The following LRRTM4 variants were observed in gnomAD, a reference collection of about 807,000 sequenced individuals.
LRRTM4 encodes leucine rich repeat transmembrane neuronal 4.
In LRRTM4, 25 loss-of-function variants were observed where a neutral mutation model predicts 47.6. The ratio of observed to expected loss-of-function variants is 0.53; its 90% CI spans 0.38 to 0.73. LRRTM4 has a LOEUF of 0.73. LRRTM4 is among the 30% of genes least tolerant of loss of function. The pLI is 0.00. For missense variants in LRRTM4, 638 were observed against 713.4 expected (o/e 0.89, Z 1.20); for synonymous variants, 311 against 269.5 (o/e 1.15, Z -1.51).
intron 3 of LRRTM4, among the ~76,000 whole-genome samples, chr2:76,829,862 A>C (rs1671298812): frequency 1.3e-5 from 2 of 152,034 alleles, no homozygotes; most frequent in Admixed American, 1.3e-4. Flanking sequence ...CGTCACTTAG[A>C]CATTTTGACC....
At chr2:77,200,387 T>C (rs1186952681) in intron 3 of LRRTM4, among the ~76,000 whole-genome samples, 4 of 152,214 alleles carry the variant, frequency 2.6e-5, no homozygotes, top group East Asian at 1.9e-4. Context: ...TTTAAATACA[T>C]TTATATATGT....
chr2:76,970,934 G>A (rs1056291594), intron 3 of LRRTM4, among the ~76,000 whole-genome samples: 1 of 151,968 alleles, frequency 6.6e-6, no homozygotes. Flanking sequence ...CTTGAGTCAT[G>A]GGATCATGGT....
intron 3 of LRRTM4, among the ~76,000 whole-genome samples, chr2:77,395,310 G>T (rs1354868396): frequency 6.6e-6 from 1 of 151,896 alleles, no homozygotes; most frequent in Admixed American, 6.6e-5. Context: ...CAGTTGAAAG[G>T]CTTAGGATTT....
At chr2:77,372,960 G>A (rs1237123081) in intron 3 of LRRTM4, among the ~76,000 whole-genome samples, 1 of 143,548 alleles carries the variant, frequency 7.0e-6, no homozygotes. Context: ...AAAAAAAAAA[G>A]GCTTACTAAA....
chr2:76,946,808 G>A (rs925775722), intron 3 of LRRTM4, among the ~76,000 whole-genome samples: 2 of 151,794 alleles, frequency 1.3e-5, no homozygotes, highest in Non-Finnish European at 2.9e-5. Flanking sequence ...TTTTATTCCT[G>A]TAAAATTTTA....
intron 3 of LRRTM4, among the ~76,000 whole-genome samples, chr2:77,005,864 C>T (rs1677623453): frequency 6.6e-6 from 1 of 152,132 alleles, no homozygotes; most frequent in African/African-American, 2.4e-5. Context: ...GTATTCTAAA[C>T]ACTTCACAAA....
chr2:77,248,152 A>C (rs1675498713), intron 3 of LRRTM4, among the ~76,000 whole-genome samples: 1 of 151,080 alleles, frequency 6.6e-6, no homozygotes, highest in Non-Finnish European at 1.5e-5. Context: ...TGTTCTTATG[A>C]ATATATAAAT....
intron 3 of LRRTM4, among the ~76,000 whole-genome samples, chr2:76,902,045 A>C (rs1206638945): frequency 6.6e-6 from 1 of 152,202 alleles, no homozygotes; most frequent in Non-Finnish European, 1.5e-5. Flanking sequence ...TCAGAATGCA[A>C]GAAATGTTTA....
chr2:77,362,103 AAGAAAGAAAGAG>A (rs1247206120), intron 3 of LRRTM4, among the ~76,000 whole-genome samples: 6 of 133,668 alleles, frequency 4.5e-5, no homozygotes, highest in East Asian at 2.2e-4. Flanking sequence ...AGGAAAAGGA[AAGAAAGAAAGAG>A]AGAAAGAAAG....
intron 3 of LRRTM4, among the ~76,000 whole-genome samples, chr2:76,876,815 T>C (rs915254835): frequency 1.1e-4 from 16 of 152,046 alleles, no homozygotes; most frequent in Non-Finnish European, 2.9e-5. Flanking sequence ...AATTTTTTAT[T>C]TTGCTTAGAA....
intron 3 of LRRTM4, among the ~76,000 whole-genome samples, chr2:77,076,448 T>C (rs939806295): frequency 3.3e-5 from 5 of 152,154 alleles, no homozygotes; most frequent in African/African-American, 1.2e-4. Context: ...GCTTGAAATA[T>C]AGTCAGAGAA....
At chr2:77,107,823 A>G (rs201673490) in intron 3 of LRRTM4, among the ~76,000 whole-genome samples, 5 of 142,630 alleles carry the variant, frequency 3.5e-5, no homozygotes, top group East Asian at 2.1e-4. Flanking sequence ...CAACTCAAAA[A>G]AAAAAAAAAA....
intron 3 of LRRTM4, among the ~76,000 whole-genome samples, chr2:77,246,784 A>G (rs1258658924): frequency 6.6e-6 from 1 of 152,094 alleles, no homozygotes; most frequent in African/African-American, 2.4e-5. Flanking sequence ...TAATATGCCT[A>G]TATATGCATA....
At chr2:76,903,222 A>C (rs1466325524) in intron 3 of LRRTM4, among the ~76,000 whole-genome samples, 2 of 151,816 alleles carry the variant, frequency 1.3e-5, no homozygotes, top group African/African-American at 4.8e-5. Flanking sequence ...CAAACAAATA[A>C]AAATAAAAAA....
intron 3 of LRRTM4, among the ~76,000 whole-genome samples, chr2:77,008,328 T>C (rs565884389): frequency 1.3e-5 from 2 of 152,306 alleles, no homozygotes; most frequent in Admixed American, 6.5e-5. Flanking sequence ...CTGATAATTG[T>C]AATATGTATT....
intron 3 of LRRTM4, among the ~76,000 whole-genome samples, chr2:77,029,071 A>AAT (rs1194632782): frequency 5.8e-5 from 8 of 138,848 alleles, no homozygotes; most frequent in Non-Finnish European, 9.4e-5. Flanking sequence ...ATATATATAT[A>AAT]ATATATATAT....
intron 3 of LRRTM4, among the ~76,000 whole-genome samples, chr2:77,266,121 G>T (rs771249751): frequency 6.6e-6 from 1 of 152,134 alleles, no homozygotes; most frequent in African/African-American, 2.4e-5. Flanking sequence ...TAATAGCAGA[G>T]TTGAGTAGTT....
intron 3 of LRRTM4, among the ~76,000 whole-genome samples, chr2:77,350,363 A>AAAAAAAAG (rs1671722423): frequency 1.5e-5 from 2 of 133,224 alleles, no homozygotes; most frequent in Non-Finnish European, 3.3e-5. Context: ...AAAAAAAAAA[A>AAAAAAAAG]GAAATTGGAA....
chr2:77,413,862 AC>A (rs1381160977), intron 3 of LRRTM4, among the ~76,000 whole-genome samples: 17 of 152,048 alleles, frequency 1.1e-4, no homozygotes, highest in Non-Finnish European at 2.5e-4. Flanking sequence ...ACACACACAC[AC>A]ACACAAAACC....
Sources: allele counts gnomAD v4.1 joint callset (sites outside exome capture counted in the v4.1 genomes callset), GRCh38; gene constraint gnomAD v4.1.1; transcripts MANE v1.5; gene names NCBI Gene and HGNC (gene_info 2026-07-23, HGNC 2026-07-21).